Variants in CYP2C18 observed in about 807,000 individuals in gnomAD.
CYP2C18 encodes cytochrome P450 family 2 subfamily C member 18, also known as cytochrome P450 2C18.
Under a neutral mutation model 41.3 loss-of-function variants are expected in CYP2C18, and 38 were observed. The ratio of observed to expected loss-of-function variants is 0.92; its 90% CI spans 0.71 to 1.21. CYP2C18 has a LOEUF of 1.21. Among genes scored for constraint, CYP2C18 ranks in the 50% most tolerant of loss-of-function variants. The pLI is 0.00. For missense variants in CYP2C18, 635 were observed against 591.4 expected (o/e 1.07, Z -0.77); for synonymous variants, 236 against 210.0 (o/e 1.12, Z -1.07).
intron 1 of CYP2C18, among the ~76,000 whole-genome samples, chr10:94,687,326 G>A (rs1194593874): frequency 6.6e-6 from 1 of 152,154 alleles, no homozygotes; most frequent in Non-Finnish European, 1.5e-5. Context: ...GATGAGCTTT[G>A]CAGGAGATCC....
At chr10:94,723,093 G>T (rs1847674175) in intron 6 of CYP2C18, among the ~76,000 whole-genome samples, 1 of 152,116 alleles carries the variant, frequency 6.6e-6, no homozygotes, top group Non-Finnish European at 1.5e-5. Flanking sequence ...AATCAGAATG[G>T]CATTAGAATT....
intron 4 of CYP2C18, among the ~76,000 whole-genome samples, chr10:94,698,534 A>T (rs759672813): frequency 1.3e-5 from 2 of 152,240 alleles, no homozygotes; most frequent in Non-Finnish European, 2.9e-5. Flanking sequence ...AGCAGGAAAG[A>T]TCTAAAAATG....
chr10:94,687,721 A>T, intron 1 of CYP2C18, 49 bp from the exon 2 acceptor site: 1 of 1,523,118 alleles, frequency 6.6e-7, no homozygotes, highest in South Asian at 1.2e-5. Flanking sequence ...CAATATATAG[A>T]CCAAATACTG....
At chr10:94,702,667 A>T (rs1226798552) in intron 4 of CYP2C18, among the ~76,000 whole-genome samples, 1 of 151,940 alleles carries the variant, frequency 6.6e-6, no homozygotes, top group Non-Finnish European at 1.5e-5. Flanking sequence ...CCTTGCATTG[A>T]GTTAGAACAT....
intron 3 of CYP2C18, among the ~76,000 whole-genome samples, chr10:94,690,896 G>A (rs964685158): frequency 5.9e-5 from 9 of 152,220 alleles, no homozygotes; most frequent in Admixed American, 5.9e-4. Context: ...AAGTAATCCA[G>A]TATATAAACA....
At chr10:94,696,230 C>T (rs1190058865) in intron 4 of CYP2C18, among the ~76,000 whole-genome samples, 1 of 152,116 alleles carries the variant, frequency 6.6e-6, no homozygotes, top group Non-Finnish European at 1.5e-5. Flanking sequence ...GAGGCACACC[C>T]CAGTAGGGGC....
chr10:94,692,487 G>A (rs1409666647), intron 3 of CYP2C18, among the ~76,000 whole-genome samples: 1 of 152,142 alleles, frequency 6.6e-6, no homozygotes, highest in African/African-American at 2.4e-5. Flanking sequence ...TCTCACACCA[G>A]TTAGAATGGC....
intron 4 of CYP2C18, among the ~76,000 whole-genome samples, chr10:94,700,271 A>G (rs1847210936): frequency 6.6e-6 from 1 of 152,234 alleles, no homozygotes; most frequent in Admixed American, 6.5e-5. Flanking sequence ...TACTGCTACC[A>G]AAACAGAGAT....
chr10:94,709,705 T>C (rs1847402506), intron 5 of CYP2C18, among the ~76,000 whole-genome samples: 1 of 152,190 alleles, frequency 6.6e-6, no homozygotes, highest in South Asian at 2.1e-4. Context: ...TCACCCCAAG[T>C]TTTCTTCAAA....
Position 94,695,063 on chromosome 10 carries a change from T to A in CYP2C18, c.628T>A (p.Ser210Thr), listed in dbSNP as rs1349771805. The A allele has an allele frequency of 6.2e-7, 1 of 1,611,870 alleles. No individual in the cohort carries two copies. Among genetic ancestry groups the A allele is most frequent in the African/African-American group, 1.3e-5 (1 of 74,962 alleles). ...KFNENLRILS[S>T]PWIQVCNNFP... ...CAATGAAAACCTCAGGATTCTGAGCTCTCCATGGATCCAGGTGAGATCAAG... is the reference window on the plus strand; with the variant it reads ...CAATGAAAACCTCAGGATTCTGAGCACTCCATGGATCCAGGTGAGATCAAG... The change falls in exon 4 of 9, where the codon TCT becomes ACT. Residue 210 changes from serine to threonine, a missense_variant. Physicochemically the swap from Ser to Thr is moderately conservative, Grantham distance 58 (BLOSUM62 1). Transcript: ENST00000285979.
chr10:94,716,686 G>GTCTA (rs1847551446), intron 5 of CYP2C18, among the ~76,000 whole-genome samples: 1 of 152,156 alleles, frequency 6.6e-6, no homozygotes, highest in South Asian at 2.1e-4. Context: ...TTCTGTAGAT[G>GTCTA]TCTATTAGAT....
chr10:94,689,750 T>G (rs1212565952), intron 3 of CYP2C18, among the ~76,000 whole-genome samples: 1 of 152,116 alleles, frequency 6.6e-6, no homozygotes, highest in East Asian at 1.9e-4. Context: ...CAGATGCTTG[T>G]TTTTGCTCTG....
chr10:94,733,672 G>A (rs1466326711), intron 8 of CYP2C18: 5 of 887,758 alleles, frequency 5.6e-6, no homozygotes, highest in Non-Finnish European at 6.7e-6. Flanking sequence ...TAGAATGTAG[G>A]TTAATTTAAT....
intron 4 of CYP2C18, among the ~76,000 whole-genome samples, chr10:94,701,125 A>G (rs758356069): frequency 9.2e-5 from 14 of 152,340 alleles, no homozygotes; most frequent in Non-Finnish European, 1.6e-4. Flanking sequence ...CTGGGTATAT[A>G]CCCAAAGGAT....
chr10:94,706,935 A>T lies in CYP2C18; in HGVS notation c.794A>T (p.Asp265Val), dbSNP rs769251883. ...LDMNSARDFI[D>V]CFLIKMEQEK... ...ATGAACAGTGCTCGGGACTTTATTGATTGTTTCCTGATCAAAATGGAACAG... is the reference window on the plus strand; with the variant it reads ...ATGAACAGTGCTCGGGACTTTATTGTTTGTTTCCTGATCAAAATGGAACAG... The change falls in exon 5 of 9, where the codon GAT (aspartate) becomes GTT (valine). Residue 265 changes from aspartate (D) to valine (V), a missense_variant. By Grantham distance (152) the Asp-to-Val change is radical. Coordinates refer to ENST00000285979, the MANE Select transcript of CYP2C18 (RefSeq NM_000772.3). The T allele has an allele frequency of 2.6e-5, 42 of 1,608,268 alleles. 2 individuals carry two copies. In the South Asian group the frequency reaches 4.6e-4, roughly 17 times the overall value.
intron 7 of CYP2C18, among the ~76,000 whole-genome samples, chr10:94,732,116 TAAAC>T (rs1847844166): frequency 6.6e-6 from 1 of 152,004 alleles, no homozygotes; most frequent in Non-Finnish European, 1.5e-5. Flanking sequence ...ATAAGGTAAT[TAAAC>T]AATTGAACAA....
intron 4 of CYP2C18, among the ~76,000 whole-genome samples, chr10:94,704,418 T>C (rs1847301170): frequency 6.6e-6 from 1 of 151,806 alleles, no homozygotes; most frequent in African/African-American, 2.4e-5. Context: ...AGTCTTTTCT[T>C]TAGCGTATGT....
At chr10:94,695,466 A>T (rs1393452449) in intron 4 of CYP2C18, among the ~76,000 whole-genome samples, 2 of 152,212 alleles carry the variant, frequency 1.3e-5, no homozygotes, top group African/African-American at 4.8e-5. Context: ...GGCCAAGGAC[A>T]TGAACTCTCT....
chr10:94,725,775 A>G (rs1847729669), intron 7 of CYP2C18, among the ~76,000 whole-genome samples: 1 of 152,090 alleles, frequency 6.6e-6, no homozygotes, highest in Admixed American at 6.6e-5. Flanking sequence ...ATACACACAA[A>G]TGTGCACACA....
Sources: allele counts gnomAD v4.1 joint callset (sites outside exome capture counted in the v4.1 genomes callset), GRCh38; gene constraint gnomAD v4.1.1; transcripts MANE v1.5; gene names NCBI Gene and HGNC (gene_info 2026-07-23, HGNC 2026-07-21).